Variants in SHROOM4 observed in about 807,000 individuals in gnomAD.
The protein encoded by SHROOM4 is protein Shroom4.
SHROOM4 carries 17 observed loss-of-function variants against 80.3 expected under a neutral mutation model. The observed-to-expected ratio is 0.21, with a 90% confidence interval of 0.14 to 0.32. SHROOM4 has a LOEUF of 0.32. Ranked by LOEUF, SHROOM4 falls within the 10% of genes least tolerant of loss-of-function variation. The pLI, the probability that SHROOM4 is intolerant of heterozygous loss-of-function variation, is 1.00. For synonymous variants in SHROOM4, 400 were observed against 437.5 expected (o/e 0.91, Z 1.07); for missense variants, 993 against 1,140.3 (o/e 0.87, Z 1.86).
At chrX:50,742,117 T>C (rs1035401839) in intron 1 of SHROOM4, among the ~76,000 whole-genome samples, 8 of 110,766 alleles carry the variant, frequency 7.2e-5, no homozygotes, top group Non-Finnish European at 3.8e-5. Context: ...TACTCTCTGG[T>C]TTCATTTCCT....
chrX:50,750,513 C>T (rs1202944887), intron 1 of SHROOM4, among the ~76,000 whole-genome samples: 4 of 112,009 alleles, frequency 3.6e-5, no homozygotes, highest in Admixed American at 9.4e-5. Context: ...CCACTCGCCT[C>T]GGCCTCCCAA....
rs144839464 is a variant in SHROOM4 at position 50,635,449 on chromosome X, T to C, written c.624A>G (p.Pro208=). The change falls in exon 4 of 9, where the codon CCA becomes CCG. Residue 208 remains proline (P), a synonymous_variant. Coordinates refer to ENST00000376020, the MANE Select transcript of SHROOM4 (RefSeq NM_020717.5). ...TGCAGTCTGTAGAGGCTGGCTCCTC[T>C]GGCCTGAGGGAAAGGGCACAGTCAG... ...NASDCALSLR[P]EEPASTDCIM... 2.5e-4 allele frequency: 305 copies of C among 1,206,876 alleles called. No homozygotes were observed. Among genetic ancestry groups the C allele is most frequent in the Non-Finnish European group, 3.2e-4 (289 of 893,663 alleles).
At chrX:50,681,054 C>T (rs1557261751) in intron 2 of SHROOM4, among the ~76,000 whole-genome samples, 1 of 110,823 alleles carries the variant, frequency 9.0e-6, no homozygotes, top group East Asian at 2.9e-4. Flanking sequence ...ATCAGCAAGT[C>T]CTCCAAAACA....
intron 7 of SHROOM4, among the ~76,000 whole-genome samples, chrX:50,599,582 C>T (rs191105408): frequency 8.9e-6 from 1 of 112,027 alleles, no homozygotes; most frequent in East Asian, 2.8e-4. Context: ...CTCAGTCTGG[C>T]CCCACCTTGC....
the SHROOM4 span, among the ~76,000 whole-genome samples, chrX:50,581,387 C>A: frequency 9.0e-6 from 1 of 111,202 alleles, no homozygotes; most frequent in Non-Finnish European, 1.9e-5. Flanking sequence ...ATTTTGATAC[C>A]TAGCTGTGGG....
intron 2 of SHROOM4, among the ~76,000 whole-genome samples, chrX:50,668,507 C>A (rs1290167889): frequency 1.8e-5 from 2 of 111,918 alleles, no homozygotes; most frequent in African/African-American, 6.5e-5. Flanking sequence ...CCAGCTAAAA[C>A]AAGCTTAAAT....
At chrX:50,753,409 TGTTATTGG>T (rs1315185368) in intron 1 of SHROOM4, among the ~76,000 whole-genome samples, 1 of 111,958 alleles carries the variant, frequency 8.9e-6, no homozygotes, top group Non-Finnish European at 1.9e-5. Context: ...CAAAACAAAT[TGTTATTGG>T]GCTCACTGCA....
intron 5 of SHROOM4, among the ~76,000 whole-genome samples, chrX:50,621,760 A>G (rs1930583973): frequency 8.9e-6 from 1 of 111,907 alleles, no homozygotes; most frequent in Non-Finnish European, 1.9e-5. Flanking sequence ...GGCTTCCTGA[A>G]AAGTGTACTC....
At chrX:50,676,067 T>C (rs1932850578) in intron 2 of SHROOM4, among the ~76,000 whole-genome samples, 1 of 111,677 alleles carries the variant, frequency 9.0e-6, no homozygotes, top group Non-Finnish European at 1.9e-5. Context: ...CTAGCTAAAA[T>C]CCTTCCTGCT....
intron 2 of SHROOM4, 76 bp from the exon 3 acceptor site, chrX:50,638,384 C>A: frequency 1.7e-6 from 2 of 1,152,803 alleles, no homozygotes; most frequent in East Asian, 3.0e-5. Flanking sequence ...TTCCGCCCCA[C>A]CCCCTCTTTT....
chrX:50,785,283 A>C (rs1557270963), intron 1 of SHROOM4, among the ~76,000 whole-genome samples: 1 of 111,644 alleles, frequency 9.0e-6, no homozygotes, highest in Admixed American at 9.5e-5. Context: ...GAGCCATTCT[A>C]TTCATAGATT....
intron 2 of SHROOM4, among the ~76,000 whole-genome samples, chrX:50,653,303 A>T (rs1932183402): frequency 9.0e-6 from 1 of 111,044 alleles, no homozygotes; most frequent in South Asian, 3.8e-4. Flanking sequence ...TTGTATTCCT[A>T]GGTATTTTAT....
intron 1 of SHROOM4, among the ~76,000 whole-genome samples, chrX:50,696,877 G>A (rs1195682120): frequency 1.8e-5 from 2 of 112,154 alleles, no homozygotes; most frequent in Admixed American, 1.9e-4. Context: ...GCAAAGCAAA[G>A]CAAAGCAGAA....
intron 1 of SHROOM4, among the ~76,000 whole-genome samples, chrX:50,786,914 A>T (rs1935752295): frequency 9.0e-6 from 1 of 111,323 alleles, no homozygotes; most frequent in Non-Finnish European, 1.9e-5. Flanking sequence ...AGAGATATAA[A>T]ATATATATAT....
At chrX:50,676,008 T>C (rs1557261252) in intron 2 of SHROOM4, among the ~76,000 whole-genome samples, 1 of 111,721 alleles carries the variant, frequency 9.0e-6, no homozygotes, top group Non-Finnish European at 1.9e-5. Flanking sequence ...ATAGCTTTCT[T>C]TGGTGATTTA....
At chrX:50,682,054 C>T (rs1246155430) in intron 2 of SHROOM4, among the ~76,000 whole-genome samples, 1 of 112,021 alleles carries the variant, frequency 8.9e-6, no homozygotes, top group Admixed American at 9.5e-5. Flanking sequence ...CAACTGTCTA[C>T]TCGTCCTTTA....
chrX:50,699,372 C>T (rs7058247), intron 1 of SHROOM4, among the ~76,000 whole-genome samples: 4,597 of 111,854 alleles, frequency 0.041, 259 homozygotes, highest in African/African-American at 0.14. Flanking sequence ...GTAAGAGGGA[C>T]TGACCAGATG....
At chrX:50,604,491 T>G (rs1241949170) in intron 6 of SHROOM4, among the ~76,000 whole-genome samples, 1 of 111,851 alleles carries the variant, frequency 8.9e-6, no homozygotes, top group Admixed American at 9.5e-5. Flanking sequence ...AAAGCCTACA[T>G]GTAAGGAATT....
chrX:50,794,922 G>A (rs1293430034), intron 1 of SHROOM4, among the ~76,000 whole-genome samples: 2 of 97,874 alleles, frequency 2.0e-5, no homozygotes, highest in African/African-American at 3.9e-5. Context: ...ATATATATAT[G>A]TGTATGTGTC....
Sources: gnomAD v4.1 joint callset for allele counts (sites outside exome capture counted in the v4.1 genomes callset) on GRCh38, gnomAD v4.1.1 for gene constraint, MANE v1.5 for transcripts, NCBI Gene and HGNC (gene_info 2026-07-23, HGNC 2026-07-21) for gene names.